Variants in RANBP2 observed in about 807,000 individuals in gnomAD.
RANBP2 encodes the protein RAN binding protein 2, also known as E3 SUMO-protein ligase RanBP2.
Under a neutral mutation model 303.6 loss-of-function variants are expected in RANBP2, and 57 were observed. The ratio of observed to expected loss-of-function variants is 0.19; its 90% CI spans 0.15 to 0.23. The LOEUF is 0.23. Ranked by LOEUF, RANBP2 falls within the 10% of genes least tolerant of loss-of-function variation. The pLI, the probability that RANBP2 is intolerant of heterozygous loss-of-function variation, is 1.00. For synonymous variants in RANBP2, 1,167 were observed against 1,301.5 expected (o/e 0.90, Z 2.23); for missense variants, 3,138 against 3,780.8 (o/e 0.83, Z 4.46).
At chr2:109,398,688 G>A in the RANBP2 span, 2 of 1,610,952 alleles carry the variant, frequency 1.2e-6, no homozygotes, top group Middle Eastern at 1.7e-4. Flanking sequence ...CCGGCGCTGT[G>A]GCCAGCGTGG....
At chr2:109,179,462 T>C in the RANBP2 span, among the ~76,000 whole-genome samples, 2 of 152,162 alleles carry the variant, frequency 1.3e-5, no homozygotes, top group Non-Finnish European at 2.9e-5. Flanking sequence ...AGTGTCCTTG[T>C]CTTTGTGTGT....
chr2:109,319,772 C>G, the RANBP2 span, among the ~76,000 whole-genome samples: 2 of 152,342 alleles, frequency 1.3e-5, no homozygotes, highest in Non-Finnish European at 1.5e-5. Context: ...GTGGCTGTTT[C>G]CCTTCACTGC....
the RANBP2 span, among the ~76,000 whole-genome samples, chr2:108,962,725 G>A: frequency 6.6e-6 from 1 of 150,826 alleles, no homozygotes; most frequent in East Asian, 1.9e-4. Flanking sequence ...GCAATTCAAG[G>A]GCCTCCCATG....
the RANBP2 span, among the ~76,000 whole-genome samples, chr2:109,481,121 G>C: frequency 1.2e-3 from 190 of 152,332 alleles, no homozygotes; most frequent in African/African-American, 4.2e-3. Flanking sequence ...AGAAAGGCAG[G>C]AGAAGAAACC....
At chr2:109,440,774 C>T in the RANBP2 span, among the ~76,000 whole-genome samples, 2 of 152,116 alleles carry the variant, frequency 1.3e-5, no homozygotes, top group Non-Finnish European at 2.9e-5. Context: ...GAGGAGAGAA[C>T]AGCACAGAGA....
At chr2:108,987,768 G>A in the RANBP2 span, among the ~76,000 whole-genome samples, 3 of 152,344 alleles carry the variant, frequency 2.0e-5, no homozygotes, top group African/African-American at 4.8e-5. Context: ...AAGGGTACAC[G>A]TGGACTGTCA....
chr2:109,386,851 T>C, the RANBP2 span, among the ~76,000 whole-genome samples: 7 of 152,208 alleles, frequency 4.6e-5, no homozygotes, highest in African/African-American at 1.7e-4. Flanking sequence ...AAAGGCTCTT[T>C]AGGGCACCTC....
the RANBP2 span, among the ~76,000 whole-genome samples, chr2:109,611,692 T>A: frequency 6.6e-6 from 1 of 152,068 alleles, no homozygotes; most frequent in Non-Finnish European, 1.5e-5. Flanking sequence ...GCCCAGGAGA[T>A]TGAGGCTGAG....
intron 19 of RANBP2, among the ~76,000 whole-genome samples, chr2:108,762,798 C>CCATCATCAT (rs112880794): frequency 0.11 from 16,434 of 151,240 alleles, 1,112 homozygotes; most frequent in Middle Eastern, 0.17. Flanking sequence ...ATAAATGTTA[C>CCATCATCAT]CATCATCATC....
At chr2:109,592,983 A>G in the RANBP2 span, 1 of 1,066,626 alleles carries the variant, frequency 9.4e-7, no homozygotes, top group Non-Finnish European at 1.3e-6. Context: ...AAGCACTCCA[A>G]GTAGTTATTT....
chr2:108,953,817 C>T, the RANBP2 span, among the ~76,000 whole-genome samples: 4 of 152,150 alleles, frequency 2.6e-5, no homozygotes, highest in African/African-American at 9.7e-5. Context: ...AGGCTTTGAG[C>T]CTTTCCTCTG....
At chr2:108,944,913 C>T in the RANBP2 span, among the ~76,000 whole-genome samples, 4 of 152,146 alleles carry the variant, frequency 2.6e-5, no homozygotes, top group African/African-American at 9.7e-5. Flanking sequence ...TGCTTTGAGC[C>T]CTTTGACATG....
chr2:109,571,136 T>G, the RANBP2 span, among the ~76,000 whole-genome samples: 5 of 152,154 alleles, frequency 3.3e-5, no homozygotes, highest in African/African-American at 4.8e-5. Flanking sequence ...CATGCCTGCT[T>G]CCCCTTCGCC....
chr2:109,392,642 C>T, the RANBP2 span, among the ~76,000 whole-genome samples: 13 of 152,110 alleles, frequency 8.5e-5, no homozygotes, highest in Admixed American at 3.9e-4. Context: ...CCTCAGCCTC[C>T]GGAGTAGCTG....
At chr2:108,944,895 C>T in the RANBP2 span, among the ~76,000 whole-genome samples, 10 of 152,132 alleles carry the variant, frequency 6.6e-5, no homozygotes, top group Non-Finnish European at 1.2e-4. Context: ...GAACTGACGC[C>T]GGGGAGGTGC....
intron 1 of RANBP2, among the ~76,000 whole-genome samples, chr2:108,725,079 C>G (rs956596161): frequency 2.6e-5 from 4 of 152,134 alleles, no homozygotes; most frequent in African/African-American, 4.8e-5. Context: ...GATGTGGCAT[C>G]TCTTAGGGTC....
chr2:109,510,518 C>T, the RANBP2 span, among the ~76,000 whole-genome samples: 1 of 152,238 alleles, frequency 6.6e-6, no homozygotes, highest in South Asian at 2.1e-4. Flanking sequence ...GGTAGCTCTT[C>T]TCACATTTGT....
chr2:108,962,331 A>G, the RANBP2 span, among the ~76,000 whole-genome samples: 1 of 152,222 alleles, frequency 6.6e-6, no homozygotes, highest in Non-Finnish European at 1.5e-5. Flanking sequence ...GGAGGATTAA[A>G]GAGTTTGGGA....
At chr2:109,004,144 T>C in the RANBP2 span, among the ~76,000 whole-genome samples, 1 of 152,194 alleles carries the variant, frequency 6.6e-6, no homozygotes, top group Non-Finnish European at 1.5e-5. Context: ...GCAATAAGGG[T>C]GTAAGCCCAA....
Sources: gnomAD v4.1 joint callset for allele counts (sites outside exome capture counted in the v4.1 genomes callset) on GRCh38, gnomAD v4.1.1 for gene constraint, MANE v1.5 for transcripts, NCBI Gene and HGNC (gene_info 2026-07-23, HGNC 2026-07-21) for gene names.